CCDC171: variants seen among roughly 807,000 people sequenced by gnomAD.
The protein encoded by CCDC171 is coiled-coil domain-containing protein 171.
A neutral mutation model predicts 168.2 loss-of-function variants in CCDC171; 177 were observed. That is an observed-to-expected ratio of 1.05 (90% CI 0.93 to 1.19). CCDC171 has a LOEUF of 1.19. Ranked by LOEUF, CCDC171 falls within the 50% of genes most tolerant of loss-of-function variation. CCDC171 has a pLI of 0.00. For synonymous variants in CCDC171, 687 were observed against 540.8 expected, an observed-to-expected ratio of 1.27 and a Z score of -3.75; for missense variants, 1,991 against 1,539.0, an observed-to-expected ratio of 1.29 and a Z score of -4.91.
intron 25 of CCDC171, among the ~76,000 whole-genome samples, chr9:15,963,347 T>C (rs907485330): frequency 6.6e-6 from 1 of 152,062 alleles, no homozygotes; most frequent in Non-Finnish European, 1.5e-5. Flanking sequence ...AAATCACTCT[T>C]AAAGTTAAAA....
chr9:15,572,550 T>C (rs1015117945), intron 3 of CCDC171, among the ~76,000 whole-genome samples: 5 of 152,182 alleles, frequency 3.3e-5, no homozygotes, highest in African/African-American at 1.2e-4. Flanking sequence ...GGAAAGTGCT[T>C]GTGTACTGTA....
At chr9:15,669,918 T>C (rs1444127012) in intron 9 of CCDC171, among the ~76,000 whole-genome samples, 2 of 127,676 alleles carry the variant, frequency 1.6e-5, no homozygotes, top group African/African-American at 5.9e-5. Flanking sequence ...TTTGTTAAAA[T>C]ACCCTGTTAT....
At chr9:15,630,425 A>T (rs531108994) in intron 7 of CCDC171, among the ~76,000 whole-genome samples, 3 of 152,316 alleles carry the variant, frequency 2.0e-5, no homozygotes, top group African/African-American at 7.2e-5. Context: ...AAAAGAGACA[A>T]AGAAGGCCAT....
intron 21 of CCDC171, among the ~76,000 whole-genome samples, chr9:15,831,994 T>C (rs1335749070): frequency 6.6e-6 from 1 of 152,122 alleles, no homozygotes; most frequent in Non-Finnish European, 1.5e-5. Flanking sequence ...GCCAGCATCT[T>C]ACTTTTTTGT....
intron 18 of CCDC171, among the ~76,000 whole-genome samples, chr9:15,765,827 T>C (rs531288904): frequency 6.6e-6 from 1 of 152,214 alleles, no homozygotes; most frequent in Non-Finnish European, 1.5e-5. Context: ...TGCAAGAGTA[T>C]AGTTATAATT....
At chr9:15,835,661 A>C (rs2060413137) in intron 21 of CCDC171, among the ~76,000 whole-genome samples, 1 of 152,204 alleles carries the variant, frequency 6.6e-6, no homozygotes, top group African/African-American at 2.4e-5. Flanking sequence ...TCCTGACCTC[A>C]AGTGATCCAC....
intron 3 of CCDC171, among the ~76,000 whole-genome samples, chr9:16,014,788 C>A (rs754236012): frequency 2.6e-5 from 4 of 152,046 alleles, no homozygotes; most frequent in Non-Finnish European, 5.9e-5. Context: ...TAGTTATCAA[C>A]AATAGGCTTA....
Position 15,627,071 on chromosome 9 carries a change from C to T in CCDC171, c.822+3658C>T, listed in dbSNP as rs1437661822. On this transcript the variant is annotated intron_variant, in intron 7 of 25. Transcript: ENST00000380701. ...AGGGTGTATGTGTCGAGGAATTTAT[C>T]CATTTCTTCTAGATTTTCTAGTTTA... Among the ~76,000 whole-genome samples, 6 of 152,154 alleles carry T rather than the reference C, an allele frequency of 3.9e-5. No individual in the cohort carries two copies. The South Asian group carries it at 1.2e-3, about 32-fold the overall frequency.
intron 20 of CCDC171, among the ~76,000 whole-genome samples, chr9:15,783,068 A>G (rs554604698): frequency 1.3e-5 from 2 of 152,290 alleles, no homozygotes; most frequent in East Asian, 3.9e-4. Context: ...TTTTTGAGGA[A>G]TGCACCCTTA....
chr9:15,716,554 T>C (rs2053100843), intron 11 of CCDC171, among the ~76,000 whole-genome samples: 1 of 152,136 alleles, frequency 6.6e-6, no homozygotes, highest in African/African-American at 2.4e-5. Context: ...TAGTTCCTTT[T>C]GTGCTGCTAT....
chr9:15,977,780 A>C (rs1831668426), downstream of CCDC171, among the ~76,000 whole-genome samples: 1 of 152,212 alleles, frequency 6.6e-6, no homozygotes, highest in Non-Finnish European at 1.5e-5. Context: ...GTTAAGAGCT[A>C]TCAGATATTC....
rs76084617 is a variant in CCDC171 at position 15,584,211 on chromosome 9, C to T, written c.352+5188C>T. Among the ~76,000 whole-genome samples, 3 of 152,280 alleles carry T rather than the reference C, an allele frequency of 2.0e-5. No individual in the cohort carries two copies. In the East Asian group the frequency reaches 5.8e-4, roughly 29 times the overall value. On this transcript the variant is annotated intron_variant, in intron 4 of 25. Transcript: ENST00000380701. ...AACTGTTAAGATCCTTAGTTTTGCT[C>T]AGCTGTCTGGGGTTATTGATATTGG...
intron 24 of CCDC171, among the ~76,000 whole-genome samples, chr9:15,884,052 G>C (rs1423279612): frequency 1.3e-5 from 2 of 152,100 alleles, no homozygotes; most frequent in African/African-American, 4.8e-5. Context: ...TTCTTTTTGT[G>C]TGTATGTGGA....
rs1554776019 is a variant in CCDC171, at chr9:15,719,445, A to AGAGAGAGG, written c.1319-2322_1319-2321insGAGAGGGA. 8.2e-4 allele frequency among the ~76,000 whole-genome samples: 51 copies of AGAGAGAGG among 62,432 alleles called. 3 individuals carry two copies. The highest frequency in any genetic ancestry group is 1.9e-3 in the Admixed American group (13 of 6,812). The allele number at this position is 62,432 out of a possible 152,430, so 41.0% of individuals were successfully genotyped here. On this transcript the variant is annotated intron_variant, in intron 11 of 25. Coordinates refer to ENST00000380701, the MANE Select transcript of CCDC171 (RefSeq NM_173550.4). Reference sequence around the variant, plus strand: ...GAGAGAGAGAGAGAGAGAGAGAGAGAGAAAGTTTATTCAAATGGATAATAA... The same window carrying AGAGAGAGG: ...GAGAGAGAGAGAGAGAGAGAGAGAGAGAGAGAGGGAAAGTTTATTCAAATGGATAATAA...
At chr9:15,823,086 G>GA (rs34696669) in intron 21 of CCDC171, among the ~76,000 whole-genome samples, 3 of 151,958 alleles carry the variant, frequency 2.0e-5, no homozygotes, top group Non-Finnish European at 4.4e-5. Context: ...ATCGCAAGGA[G>GA]AAAAAACCAA....
the CCDC171 span, among the ~76,000 whole-genome samples, chr9:16,067,224 A>AT: frequency 1.3e-5 from 2 of 151,784 alleles, no homozygotes; most frequent in Admixed American, 6.6e-5. Flanking sequence ...GATGATGAGC[A>AT]TTTTTTCATG....
At chr9:16,057,264 C>A (rs892994837) in intron 1 of CCDC171, among the ~76,000 whole-genome samples, 20 of 152,096 alleles carry the variant, frequency 1.3e-4, no homozygotes, top group Admixed American at 3.3e-4. Flanking sequence ...CCCAAAGTCA[C>A]GAAACAAGAA....
chr9:15,799,393 C>T (rs544369691), intron 21 of CCDC171, among the ~76,000 whole-genome samples: 1 of 151,158 alleles, frequency 6.6e-6, no homozygotes, highest in South Asian at 2.1e-4. Context: ...TTCATTTTAC[C>T]TTTGTTTGTC....
At chr9:15,757,106 A>T (rs2056169865) in intron 18 of CCDC171, among the ~76,000 whole-genome samples, 1 of 152,258 alleles carries the variant, frequency 6.6e-6, no homozygotes, top group Admixed American at 6.5e-5. Flanking sequence ...GTGGAAAGAT[A>T]CCTGAAAATG....
Sources: gnomAD v4.1 joint callset for allele counts (sites outside exome capture counted in the v4.1 genomes callset) on GRCh38, gnomAD v4.1.1 for gene constraint, MANE v1.5 for transcripts, NCBI Gene and HGNC (gene_info 2026-07-23, HGNC 2026-07-21) for gene names.